Variants in BCAP29 observed in about 807,000 individuals in gnomAD.
BCAP29 encodes B cell receptor associated protein 29, also known as B-cell receptor-associated protein 29.
A neutral mutation model predicts 31.8 loss-of-function variants in BCAP29; 34 were observed. The ratio of observed to expected loss-of-function variants is 1.07; its 90% CI spans 0.81 to 1.42. The LOEUF is 1.42. Among genes scored for constraint, BCAP29 ranks in the 40% most tolerant of loss-of-function variants. BCAP29 has a pLI of 0.00. For synonymous variants in BCAP29, 104 were observed against 91.3 expected (o/e 1.14, Z -0.79); for missense variants, 314 against 269.2 (o/e 1.17, Z -1.16).
intron 2 of BCAP29, among the ~76,000 whole-genome samples, chr7:107,583,263 C>G (rs1807025670): frequency 6.6e-6 from 1 of 151,950 alleles, no homozygotes; most frequent in African/African-American, 2.4e-5. Context: ...CTCATTTCCT[C>G]TATGTTCACA....
At position 107,580,785 on chromosome 7, in the gene BCAP29, T is replaced by C. The variant is rs1384792777; in HGVS notation, c.13T>C (p.Trp5Arg). 1 of 1,598,446 alleles carries C rather than the reference T, an allele frequency of 6.3e-7. No individual in the cohort carries two copies. The highest frequency in any genetic ancestry group is 1.4e-5 in the African/African-American group (1 of 73,730). ...TGTGAAGAAAAAAATGACACTCCAATGGGCTGCAGTGGCAACCTTTCTTTA... is the reference window on the plus strand; with the variant it reads ...TGTGAAGAAAAAAATGACACTCCAACGGGCTGCAGTGGCAACCTTTCTTTA... MTLQWAAVATFLYAE... is the reference protein window; with the variant it reads MTLQRAAVATFLYAE... Residue 5 changes from tryptophan to arginine, a missense_variant, in exon 2 of 8, where the codon TGG becomes CGG. Trp to Arg is a moderately radical substitution (Grantham distance 101, BLOSUM62 -3). Coordinates refer to ENST00000005259, the MANE Select transcript of BCAP29 (RefSeq NM_018844.4).
chr7:107,583,938 A>G lies in BCAP29; in HGVS notation c.149A>G (p.Lys50Arg). The G allele has an allele frequency of 6.3e-7, 1 of 1,588,710 alleles. No individual in the cohort carries two copies. The highest frequency in any genetic ancestry group is 8.6e-7 in the Non-Finnish European group (1 of 1,166,706). Reference protein sequence around the residue: ...VWGKIATFWNKAFLTIIILLI... With the variant: ...VWGKIATFWNRAFLTIIILLI... ...GGTAAAATTGCAACTTTTTGGAACA[A>G]GGCTTTCCTTACCATTATCATCCTA... The change falls in exon 3 of 8, where the codon AAG (lysine) becomes AGG (arginine). Residue 50 changes from lysine (K) to arginine (R), a missense_variant. Physicochemically the swap from Lys to Arg is conservative, Grantham distance 26 (BLOSUM62 2). Transcript: ENST00000005259.
chr7:107,591,647 C>CAA (rs1808807971), intron 3 of BCAP29, among the ~76,000 whole-genome samples: 1 of 148,476 alleles, frequency 6.7e-6, no homozygotes, highest in African/African-American at 2.5e-5. Flanking sequence ...CACATACACA[C>CAA]ACACACACAC....
intron 6 of BCAP29, among the ~76,000 whole-genome samples, chr7:107,603,002 ACT>A (rs1811440174): frequency 8.7e-6 from 1 of 115,520 alleles, no homozygotes; most frequent in Non-Finnish European, 1.6e-5. Context: ...ATGAAGTCTC[ACT>A]CTGTCGCCCA....
chr7:107,595,720 G>GC, intron 4 of BCAP29, 147 bp from the exon 5 acceptor site: 1 of 772,032 alleles, frequency 1.3e-6, no homozygotes, highest in Non-Finnish European at 1.9e-6. Context: ...TAAGAGACTT[G>GC]AATTAAAAAA....
intron 6 of BCAP29, among the ~76,000 whole-genome samples, chr7:107,608,317 T>G (rs538014672): frequency 6.6e-6 from 1 of 152,330 alleles, no homozygotes; most frequent in South Asian, 2.1e-4. Flanking sequence ...TGTTTGTCAG[T>G]ATGGACTCAT....
At chr7:107,591,956 T>A (rs558169265) in intron 3 of BCAP29, among the ~76,000 whole-genome samples, 1 of 152,068 alleles carries the variant, frequency 6.6e-6, no homozygotes, top group Admixed American at 6.5e-5. Flanking sequence ...ATTTTTTTTT[T>A]AATATTTAAA....
intron 5 of BCAP29, among the ~76,000 whole-genome samples, chr7:107,599,289 A>ATATATATTTATATATAATTTTTATG (rs1810640771): frequency 2.0e-5 from 1 of 48,820 alleles, no homozygotes; most frequent in African/African-American, 8.6e-5. Context: ...TAATTTTTAT[A>ATATATATTTATATATAATTTTTATG]TATAAATTAT....
downstream of BCAP29, chr7:107,622,066 C>T (rs984356709): frequency 1.9e-5 from 8 of 431,972 alleles, no homozygotes; most frequent in African/African-American, 1.6e-4. Flanking sequence ...TTACTTTTCT[C>T]CTTCAACTGT....
rs1007831146 is a variant in BCAP29 at position 107,620,286 on chromosome 7, A to T, written c.*1923A>T. ...AGATACCGCTCTTCTGGTTATACAC[A>T]GACCAGCTATAATTTGCTAAACATA... is the stretch of plus-strand genomic sequence containing the variant. On this transcript the variant is annotated 3_prime_UTR_variant, in exon 8 of 8. Transcript: ENST00000005259. 1 of 152,200 alleles carries T rather than the reference A, an allele frequency of 6.6e-6. No homozygotes were observed. The allele number at this position is 152,200 out of a possible 1,614,324, so 9.4% of individuals were successfully genotyped here. A position where few individuals can be genotyped will look rare whatever the true frequency, so the allele number is the denominator to read the frequency against.
intron 6 of BCAP29, among the ~76,000 whole-genome samples, chr7:107,602,436 T>G (rs906924498): frequency 7.9e-5 from 12 of 152,150 alleles, no homozygotes; most frequent in African/African-American, 2.9e-4. Context: ...AGTGGTACAA[T>G]GCTTTGTGCA....
intron 6 of BCAP29, 63 bp downstream of exon 6, chr7:107,600,568 A>G (rs1810988225): frequency 1.0e-6 from 1 of 958,404 alleles, no homozygotes; most frequent in Admixed American, 2.3e-5. Flanking sequence ...TGTACACTTC[A>G]CTGTTTTTCC....
At chr7:107,591,594 C>G (rs1350026176) in intron 3 of BCAP29, among the ~76,000 whole-genome samples, 1 of 110,386 alleles carries the variant, frequency 9.1e-6, no homozygotes, top group African/African-American at 4.3e-5. Flanking sequence ...CTCTCTCTCT[C>G]TTTCTCTCTC....
chr7:107,618,772 G>GA lies in BCAP29; in HGVS notation c.*413dup. On this transcript the variant is annotated 3_prime_UTR_variant, in exon 8 of 8. Transcript: ENST00000005259. Reference sequence around the variant, plus strand: ...TATTTAATCAGATGATGATGTGTTTGAAAATAGTGTTCAATATCAGCAAAT... The same window carrying GA: ...TATTTAATCAGATGATGATGTGTTTGAAAAATAGTGTTCAATATCAGCAAAT... 1 of 509,792 alleles carries GA rather than the reference G, an allele frequency of 2.0e-6. No homozygotes were observed. Among genetic ancestry groups the GA allele is most frequent in the Non-Finnish European group, 3.4e-6 (1 of 293,918 alleles). 31.6% of individuals were successfully genotyped at this position (509,792 alleles called of 1,614,324 possible).
At chr7:107,586,579 G>A (rs931216460) in intron 3 of BCAP29, among the ~76,000 whole-genome samples, 24 of 152,094 alleles carry the variant, frequency 1.6e-4, no homozygotes, top group Non-Finnish European at 1.0e-4. Flanking sequence ...AGAGTCTGAT[G>A]TTCGAGTCCA....
At position 107,593,866 on chromosome 7, in the gene BCAP29, T is replaced by C. The variant is rs190867284; in HGVS notation, c.194-89T>C. 216 of 1,310,618 alleles carry C rather than the reference T, an allele frequency of 1.6e-4. No homozygotes were observed. The East Asian group carries it at 5.0e-3, about 30-fold the overall frequency. 81.2% of individuals were successfully genotyped at this position (1,310,618 alleles called of 1,614,324 possible). A position where few individuals can be genotyped will look rare whatever the true frequency, so the allele number is the denominator to read the frequency against. On this transcript the variant is annotated intron_variant, in intron 3 of 7. Transcript: ENST00000005259. ...TGCCTAAAGTCCATTATTTAAAAGT[T>C]TGGTCAGTTTTTCTAAAACTGCTTT...
intron 5 of BCAP29, among the ~76,000 whole-genome samples, chr7:107,600,059 G>A (rs1441853451): frequency 1.3e-5 from 2 of 151,936 alleles, no homozygotes; most frequent in African/African-American, 2.4e-5. Context: ...CCTCAGAACT[G>A]TTTTTTTCCC....
At chr7:107,587,883 A>G (rs1311472497) in intron 3 of BCAP29, 4 of 152,140 alleles carry the variant, frequency 2.6e-5, no homozygotes, top group Non-Finnish European at 5.9e-5. Context: ...CAGAAAACAG[A>G]TATTACTACT....
At chr7:107,583,793 A>G (rs1807131515) in intron 2 of BCAP29, 89 bp from the exon 3 acceptor site, 3 of 557,126 alleles carry the variant, frequency 5.4e-6, no homozygotes, top group Non-Finnish European at 6.1e-6. Context: ...TTGCTACACA[A>G]TTACTAAAAT....
Sources: allele counts gnomAD v4.1 joint callset (sites outside exome capture counted in the v4.1 genomes callset), GRCh38; gene constraint gnomAD v4.1.1; transcripts MANE v1.5; gene names NCBI Gene and HGNC (gene_info 2026-07-23, HGNC 2026-07-21).